Variants in ROBO1 observed in about 807,000 individuals in gnomAD.
ROBO1 encodes the protein roundabout homolog 1.
ROBO1 carries 149 observed loss-of-function variants against 195.9 expected under a neutral mutation model. The ratio of observed to expected loss-of-function variants is 0.76; its 90% CI spans 0.67 to 0.87. The LOEUF (loss-of-function observed/expected upper bound fraction) is 0.87, where lower values mean the gene tolerates loss of function less well. Ranked by LOEUF, ROBO1 falls within the 40% of genes least tolerant of loss-of-function variation. The probability of loss-of-function intolerance (pLI) is 0.00; values close to 1 mark genes in which losing one functional copy is unlikely to be tolerated. For synonymous variants in ROBO1, 816 were observed against 733.2 expected, an observed-to-expected ratio of 1.11 and a Z score of -1.82; for missense variants, 1,933 against 2,068.3, an observed-to-expected ratio of 0.93 and a Z score of 1.27.
intron 8 of ROBO1, among the ~76,000 whole-genome samples, chr3:78,707,497 G>A (rs745594753): frequency 1.2e-4 from 18 of 152,298 alleles, no homozygotes; most frequent in Middle Eastern, 3.4e-3. Flanking sequence ...CATTCCTATT[G>A]TATGTCAACA....
intron 3 of ROBO1, among the ~76,000 whole-genome samples, chr3:79,073,499 G>A (rs1376979172): frequency 6.6e-6 from 1 of 151,838 alleles, no homozygotes; most frequent in African/African-American, 2.4e-5. Context: ...TCCCAAGACA[G>A]TGCCTGTTTC....
chr3:78,629,385 A>T (rs1575804189), intron 25 of ROBO1, among the ~76,000 whole-genome samples: 1 of 152,232 alleles, frequency 6.6e-6, no homozygotes, highest in African/African-American at 2.4e-5. Flanking sequence ...TGTTGTTAAA[A>T]TAGCTTGGGA....
At chr3:79,623,530 T>C (rs926012721) in intron 1 of ROBO1, among the ~76,000 whole-genome samples, 8 of 152,084 alleles carry the variant, frequency 5.3e-5, no homozygotes, top group African/African-American at 1.9e-4. Context: ...AAACACAGCA[T>C]GAGAACTTCA....
Position 78,670,268 on chromosome 3 carries a change from T to C in ROBO1, c.1376A>G (p.Gln459Arg). The change falls in exon 11 of 31, where the codon CAA becomes CGA. Residue 459 changes from glutamine to arginine, a missense_variant. This residue lies in a region of ROBO1 where 1,737 missense variants were observed against 1,882.5 expected (regional missense o/e 0.92). Transcript: ENST00000464233. ...GGCTACAGTCTGATTCACAGGACCT[T>C]GTCGAATAACTGGGGGAGGCCGATC... ...IADRPPPVIR[Q>R]GPVNQTVAVD... is the part of the protein sequence containing the mutation. 1 of 1,578,772 alleles carries C rather than the reference T, an allele frequency of 6.3e-7. No homozygotes were observed. The highest frequency in any genetic ancestry group is 1.2e-5 in the South Asian group (1 of 86,810).
intron 1 of ROBO1, among the ~76,000 whole-genome samples, chr3:79,731,971 T>C (rs1347488499): frequency 6.6e-6 from 1 of 152,080 alleles, no homozygotes; most frequent in Non-Finnish European, 1.5e-5. Flanking sequence ...GAGAATTGAG[T>C]TATTATGTGA....
intron 3 of ROBO1, among the ~76,000 whole-genome samples, chr3:78,981,754 C>T (rs2076995600): frequency 6.6e-6 from 1 of 151,506 alleles, no homozygotes; most frequent in Non-Finnish European, 1.5e-5. Flanking sequence ...CCAGCCTTCT[C>T]TCATTTCTCC....
intron 1 of ROBO1, among the ~76,000 whole-genome samples, chr3:79,629,062 C>T (rs1302390524): frequency 6.6e-6 from 1 of 152,054 alleles, no homozygotes; most frequent in East Asian, 1.9e-4. Context: ...GGAACTTCAA[C>T]ACTCCACTGA....
chr3:78,841,689 TAAACA>T (rs2033215699), intron 4 of ROBO1, among the ~76,000 whole-genome samples: 1 of 152,024 alleles, frequency 6.6e-6, no homozygotes, highest in South Asian at 2.1e-4. Context: ...CAAAACACCA[TAAACA>T]AAAGATAAAT....
rs114568566 is a variant in ROBO1, at chr3:78,953,026, T to G, written c.173-14099A>C. Among the ~76,000 whole-genome samples, 757 of 152,130 alleles carry G rather than the reference T, an allele frequency of 5.0e-3. 5 individuals are homozygous for G. Among genetic ancestry groups the G allele is most frequent in the Admixed American group, 8.1e-3 (124 of 15,250 alleles). On this transcript the variant is annotated intron_variant, in intron 3 of 30. Coordinates refer to ENST00000464233, the MANE Select transcript of ROBO1 (RefSeq NM_002941.4). ...TGTAATATTCCTAAAGAATCTAATA[T>G]CGTATGGCTATGTCCCCAGAGATAT...
chr3:79,449,443 G>A (rs567932677), intron 2 of ROBO1, among the ~76,000 whole-genome samples: 6 of 149,168 alleles, frequency 4.0e-5, no homozygotes, highest in African/African-American at 1.5e-4. Context: ...GCTAATTCAG[G>A]AACAGGAGCT....
At chr3:78,819,843 A>C in intron 4 of ROBO1, among the ~76,000 whole-genome samples, 1 of 152,206 alleles carries the variant, frequency 6.6e-6, no homozygotes, top group East Asian at 1.9e-4. Flanking sequence ...AGACACACAC[A>C]AACCTGTTGA....
chr3:79,685,647 C>T (rs1049762019), intron 1 of ROBO1, among the ~76,000 whole-genome samples: 3 of 152,100 alleles, frequency 2.0e-5, no homozygotes, highest in Admixed American at 1.3e-4. Context: ...ACCCATTGTG[C>T]ACGCTCCAGT....
chr3:79,036,852 T>C (rs529389581), intron 3 of ROBO1, among the ~76,000 whole-genome samples: 16 of 152,222 alleles, frequency 1.1e-4, no homozygotes, highest in African/African-American at 3.8e-4. Flanking sequence ...GGGTGAAAAC[T>C]TTTCAGTGAT....
intron 1 of ROBO1, among the ~76,000 whole-genome samples, chr3:79,601,804 C>T (rs6775386): frequency 0.25 from 38,085 of 151,722 alleles, 6,572 homozygotes; most frequent in African/African-American, 0.5. Context: ...TCATTTTGTA[C>T]ACAAATTAAT....
intron 2 of ROBO1, among the ~76,000 whole-genome samples, chr3:79,458,310 C>T (rs552120438): frequency 5.2e-4 from 79 of 152,228 alleles, no homozygotes; most frequent in African/African-American, 1.8e-3. Context: ...GGCAGTAAGG[C>T]AGGGCAGAAA....
intron 3 of ROBO1, among the ~76,000 whole-genome samples, chr3:79,122,072 A>G (rs967968085): frequency 6.6e-6 from 1 of 152,026 alleles, no homozygotes; most frequent in Admixed American, 6.6e-5. Flanking sequence ...TCCAGCAGTC[A>G]ATAAACACTC....
chr3:78,769,610 GTACTT>G (rs2083315282), intron 4 of ROBO1, among the ~76,000 whole-genome samples: 1 of 112,482 alleles, frequency 8.9e-6, no homozygotes, highest in Non-Finnish European at 1.8e-5. Context: ...TGTTGCCAGT[GTACTT>G]TGGTTTTTTT....
At chr3:79,284,691 A>G (rs1270256289) in intron 2 of ROBO1, among the ~76,000 whole-genome samples, 1 of 152,204 alleles carries the variant, frequency 6.6e-6, no homozygotes, top group East Asian at 1.9e-4. Flanking sequence ...TGACATAAGA[A>G]TATCAAGGTA....
chr3:79,269,693 A>C (rs1198600145), intron 2 of ROBO1, among the ~76,000 whole-genome samples: 4 of 151,750 alleles, frequency 2.6e-5, no homozygotes. Context: ...AGAAACTAAA[A>C]ATGTAATTAG....
Sources: allele counts gnomAD v4.1 joint callset (sites outside exome capture counted in the v4.1 genomes callset), GRCh38; gene constraint gnomAD v4.1.1; regional missense constraint gnomAD v4.1.1; transcripts MANE v1.5; gene names NCBI Gene and HGNC (gene_info 2026-07-23, HGNC 2026-07-21).